Variants in ANO1 observed in about 807,000 individuals in gnomAD.
ANO1 encodes the protein anoctamin-1.
ANO1 carries 59 observed loss-of-function variants against 124.0 expected under a neutral mutation model. The observed-to-expected ratio is 0.48, with a 90% confidence interval of 0.39 to 0.59. The LOEUF (loss-of-function observed/expected upper bound fraction) is 0.59, where lower values mean the gene tolerates loss of function less well. Among genes scored for constraint, ANO1 ranks in the 20% least tolerant of loss-of-function variants. ANO1 has a pLI of 0.00. For synonymous variants in ANO1, 529 were observed against 532.0 expected, an observed-to-expected ratio of 0.99 and a Z score of 0.08; for missense variants, 1,059 against 1,328.0, an observed-to-expected ratio of 0.80 and a Z score of 3.15.
At position 70,147,433 on chromosome 11, in the gene ANO1, C is replaced by T. The variant is rs571705319; in HGVS notation, c.1259-2277C>T. ...TGGGGGTTGGGGGCCTCCTGCTGGG[C>T]CCCCTGTGGCCCTCCTCACCAGCCA... On this transcript the variant is annotated intron_variant, in intron 11 of 25. Transcript: ENST00000355303. Among the ~76,000 whole-genome samples the T allele has an allele frequency of 7.2e-5, 11 of 152,286 alleles. No homozygotes were observed. The East Asian group carries it at 2.1e-3, about 30-fold the overall frequency.
intron 9 of ANO1, 70 bp from the exon 10 acceptor site, chr11:70,125,991 G>A: frequency 6.6e-7 from 1 of 1,513,450 alleles, no homozygotes; most frequent in African/African-American, 1.4e-5. Context: ...GCTGGGGAGG[G>A]CCTGTGACAT....
upstream of ANO1, among the ~76,000 whole-genome samples, chr11:69,983,434 G>A (rs940349224): frequency 1.3e-5 from 2 of 152,204 alleles, no homozygotes; most frequent in Non-Finnish European, 2.9e-5. Context: ...TGTAATGACA[G>A]GCACGCCACC....
intron 1 of ANO1, among the ~76,000 whole-genome samples, chr11:70,005,261 G>A (rs1223138897): frequency 6.6e-6 from 1 of 152,120 alleles, no homozygotes; most frequent in Non-Finnish European, 1.5e-5. Flanking sequence ...CTCACAGATT[G>A]ATATCATTTT....
chr11:70,152,378 C>T (rs2047640513), intron 12 of ANO1, 72 bp from the exon 13 acceptor site: 1 of 1,232,826 alleles, frequency 8.1e-7, no homozygotes, highest in African/African-American at 1.5e-5. Flanking sequence ...GTGGACAGGT[C>T]CTATTTCTAA....
chr11:70,029,583 G>A (rs1472987188), intron 1 of ANO1, among the ~76,000 whole-genome samples: 1 of 152,336 alleles, frequency 6.6e-6, no homozygotes, highest in East Asian at 1.9e-4. Flanking sequence ...TGAAGGTCAC[G>A]GCCACGGCAC....
intron 1 of ANO1, among the ~76,000 whole-genome samples, chr11:70,012,169 T>C (rs1370638385): frequency 6.6e-6 from 1 of 151,822 alleles, no homozygotes; most frequent in Admixed American, 6.6e-5. Context: ...CATTGTTCCA[T>C]CTATCTATCC....
At chr11:70,085,751 C>G (rs1052464397) in intron 1 of ANO1, 1 of 1,401,592 alleles carries the variant, frequency 7.1e-7, no homozygotes, top group Non-Finnish European at 9.3e-7. Context: ...AGCCTCCACT[C>G]GAGGCCTTCC....
chr11:70,053,800 C>A (rs1388536896), intron 1 of ANO1, among the ~76,000 whole-genome samples: 1 of 152,104 alleles, frequency 6.6e-6, no homozygotes, highest in African/African-American at 2.4e-5. Context: ...ACCAATGGAG[C>A]TCTATGTGCC....
intron 25 of ANO1, among the ~76,000 whole-genome samples, chr11:70,186,373 A>AGGAAGGAAGGAAGGAG (rs1267695112): frequency 2.7e-5 from 4 of 150,544 alleles, no homozygotes; most frequent in African/African-American, 9.8e-5. Context: ...GAAGGAAGGA[A>AGGAAGGAAGGAAGGAG]GGAAGGAAGG....
Position 70,111,771 on chromosome 11 carries a change from C to CTCTG in ANO1, c.855+9_855+10insTCTG, listed in dbSNP as rs770868871. Reference sequence around the variant, plus strand: ...CATACCCACTGCACGATGTAAGTAACCTTGACACACGATTTATCTCTGCGT... The same window carrying CTCTG: ...CATACCCACTGCACGATGTAAGTAACTCTGCTTGACACACGATTTATCTCTGCGT... On this transcript the variant is annotated intron_variant, in intron 7 of 25. Transcript: ENST00000355303. 6.2e-7 allele frequency: 1 copy of CTCTG among 1,613,952 alleles called. No homozygotes were observed.
upstream of ANO1, among the ~76,000 whole-genome samples, chr11:70,073,374 G>A (rs1370870752): frequency 4.6e-5 from 7 of 152,186 alleles, no homozygotes; most frequent in South Asian, 2.1e-4. Flanking sequence ...GGGTGCGTCC[G>A]TCCGTGTGAA....
chr11:70,045,502 G>A (rs782563415), intron 1 of ANO1, among the ~76,000 whole-genome samples: 6 of 152,178 alleles, frequency 3.9e-5, no homozygotes, highest in African/African-American at 1.4e-4. Flanking sequence ...AAAATTCTAT[G>A]ATTGGTGACA....
chr11:70,079,700 G>A (rs999324004), intron 1 of ANO1, among the ~76,000 whole-genome samples: 1 of 152,236 alleles, frequency 6.6e-6, no homozygotes, highest in African/African-American at 2.4e-5. Context: ...CCAGGCGTCA[G>A]GCCCAGCAGG....
intron 1 of ANO1, among the ~76,000 whole-genome samples, chr11:70,068,039 C>T (rs112745997): frequency 6.6e-6 from 1 of 152,210 alleles, no homozygotes; most frequent in Non-Finnish European, 1.5e-5. Flanking sequence ...GGGACACGCT[C>T]CTGCCAGAAA....
the ANO1 span, among the ~76,000 whole-genome samples, chr11:69,980,260 G>A: frequency 9.3e-4 from 141 of 152,234 alleles, 1 homozygote; most frequent in Middle Eastern, 3.4e-3. Context: ...TGGTGCCAGC[G>A]CTGGGGTTAG....
At chr11:70,019,443 G>A (rs1469110509) in intron 1 of ANO1, among the ~76,000 whole-genome samples, 2 of 152,178 alleles carry the variant, frequency 1.3e-5, no homozygotes, top group Non-Finnish European at 2.9e-5. Flanking sequence ...ACTCGAGAGG[G>A]TGCCGCAGGA....
At chr11:70,003,974 A>G (rs1040818835) in intron 1 of ANO1, among the ~76,000 whole-genome samples, 1 of 152,110 alleles carries the variant, frequency 6.6e-6, no homozygotes, top group Admixed American at 6.5e-5. Flanking sequence ...GGAAGAATCC[A>G]GGCACACTGT....
At chr11:70,016,578 C>T (rs1350728297) in intron 1 of ANO1, 1 of 152,262 alleles carries the variant, frequency 6.6e-6, no homozygotes, top group East Asian at 1.9e-4. Context: ...AGAGCTAAAA[C>T]TAGGACGCTG....
At position 70,034,855 on chromosome 11, in the gene ANO1, A is replaced by G. The variant is rs1857066724; in HGVS notation, c.59-43687A>G. 3.3e-5 allele frequency among the ~76,000 whole-genome samples: 5 copies of G among 152,322 alleles called. No homozygotes were observed. In the South Asian group the frequency reaches 1.0e-3, roughly 32 times the overall value. The stretch of plus-strand genomic sequence containing the variant: ...AACATTTGAACACACAGGGGCAGCC[A>G]GAGGCAGGAAAGCCTGAACAGAGCC... On this transcript the variant is annotated intron_variant, in intron 1 of 27. Transcript: ENST00000531349.
Sources: gnomAD v4.1 joint callset for allele counts (sites outside exome capture counted in the v4.1 genomes callset) on GRCh38, gnomAD v4.1.1 for gene constraint, MANE v1.5 for transcripts, NCBI Gene and HGNC (gene_info 2026-07-23, HGNC 2026-07-21) for gene names.